Variants in SPMIP1 observed in about 807,000 individuals in gnomAD.
SPMIP1 encodes the protein sperm microtubule inner protein 1.
chr7:128,870,254 G>C, the SPMIP1 span: 1 of 152,506 alleles, frequency 6.6e-6, no homozygotes, highest in Non-Finnish European at 1.5e-5. Flanking sequence ...GGGCTGCACA[G>C]TGGCCTCTCC....
the SPMIP1 span, chr7:128,868,785 A>C: frequency 9.8e-3 from 14,953 of 1,525,318 alleles, 611 homozygotes; most frequent in African/African-American, 0.095. Flanking sequence ...ACCGTGGGCC[A>C]GGTGTGGGCT....
chr7:128,868,827 T>C, the SPMIP1 span: 7 of 1,281,176 alleles, frequency 5.5e-6, no homozygotes, highest in Middle Eastern at 1.9e-4. Context: ...ACAGGCCTCC[T>C]GGTGGGGCAA....
the SPMIP1 span, chr7:128,866,486 G>A: frequency 3.7e-5 from 57 of 1,535,878 alleles, no homozygotes; most frequent in South Asian, 9.5e-5. Context: ...AAGATGTTGC[G>A]CTGTGAATGG....
At chr7:128,866,902 T>TGAAG in the SPMIP1 span, 12 of 1,403,758 alleles carry the variant, frequency 8.5e-6, no homozygotes, top group Non-Finnish European at 1.1e-5. Context: ...GGCATCCTGG[T>TGAAG]GAAGGGTCCA....
At chr7:128,867,855 C>G in the SPMIP1 span, among the ~76,000 whole-genome samples, 1 of 152,194 alleles carries the variant, frequency 6.6e-6, no homozygotes, top group South Asian at 2.1e-4. Flanking sequence ...CAGGCATGAG[C>G]CACCGGCTGG....
the SPMIP1 span, chr7:128,870,778 C>G: frequency 6.6e-6 from 1 of 152,296 alleles, no homozygotes; most frequent in Middle Eastern, 3.2e-3. Context: ...AGGGAACCTG[C>G]AGACCCCAGG....
chr7:128,867,257 C>T, the SPMIP1 span, among the ~76,000 whole-genome samples: 2 of 152,078 alleles, frequency 1.3e-5, no homozygotes, highest in African/African-American at 4.8e-5. Context: ...GTGGTAGTGG[C>T]CTGAGGGATC....
chr7:128,866,509 G>C, the SPMIP1 span: 3 of 1,535,846 alleles, frequency 2.0e-6, no homozygotes, highest in Non-Finnish European at 2.6e-6. Flanking sequence ...CCGCAAGTAT[G>C]GGTCGATGGT....
chr7:128,871,205 C>T, the SPMIP1 span: 1 of 152,378 alleles, frequency 6.6e-6, no homozygotes, highest in Non-Finnish European at 1.5e-5. Context: ...ACAGCCTGCC[C>T]CATCTTTCTC....
chr7:128,866,546 C>T, the SPMIP1 span: 1 of 1,535,798 alleles, frequency 6.5e-7, no homozygotes, highest in African/African-American at 1.4e-5. Context: ...GCTAAGGCTG[C>T]AGCCCGCCTG....
At chr7:128,868,185 C>T in the SPMIP1 span, among the ~76,000 whole-genome samples, 1 of 152,260 alleles carries the variant, frequency 6.6e-6, no homozygotes, top group African/African-American at 2.4e-5. Context: ...GACTCCTCAG[C>T]CCTGTACCCT....
chr7:128,867,787 G>A, the SPMIP1 span, among the ~76,000 whole-genome samples: 1 of 152,134 alleles, frequency 6.6e-6, no homozygotes, highest in Non-Finnish European at 1.5e-5. Context: ...GGCCAGGCTG[G>A]TCTCGAACTG....
chr7:128,868,835 C>A, the SPMIP1 span: 2 of 1,188,040 alleles, frequency 1.7e-6, no homozygotes, highest in South Asian at 1.4e-5. Flanking sequence ...CCTGGTGGGG[C>A]AAAGCTGCTG....
At chr7:128,868,844 T>C in the SPMIP1 span, 1 of 997,800 alleles carries the variant, frequency 1.0e-6, no homozygotes, top group African/African-American at 1.6e-5. Context: ...GCAAAGCTGC[T>C]GTGTGTGTCT....
chr7:128,871,825 C>G, the SPMIP1 span: 2 of 152,244 alleles, frequency 1.3e-5, no homozygotes, highest in African/African-American at 4.8e-5. Context: ...AAAACAATCT[C>G]CAACCTCCCA....
At chr7:128,866,382 C>T in the SPMIP1 span, 177 of 1,495,814 alleles carry the variant, frequency 1.2e-4, no homozygotes, top group Non-Finnish European at 1.4e-4. Flanking sequence ...GCTGTGGCCA[C>T]CCTGGTGCCA....
chr7:128,869,133 C>T, the SPMIP1 span: 1 of 377,630 alleles, frequency 2.6e-6, no homozygotes. Context: ...CCTCCTGCCA[C>T]CGCCACACCC....
chr7:128,870,654 G>C, the SPMIP1 span: 1 of 152,296 alleles, frequency 6.6e-6, no homozygotes, highest in Non-Finnish European at 1.5e-5. Flanking sequence ...AGGTCCCCCG[G>C]CCCAGGGGTC....
the SPMIP1 span, chr7:128,866,461 G>A: frequency 5.2e-6 from 8 of 1,535,894 alleles, no homozygotes; most frequent in Non-Finnish European, 8.7e-7. Context: ...CTGGAAGGAG[G>A]AATATCTGAG....
Sources: gnomAD v4.1 joint callset for allele counts (sites outside exome capture counted in the v4.1 genomes callset) on GRCh38, gnomAD v4.1.1 for gene constraint, MANE v1.5 for transcripts, NCBI Gene and HGNC (gene_info 2026-07-23, HGNC 2026-07-21) for gene names.